Variants in COL6A6 observed in about 807,000 individuals in gnomAD.
COL6A6 encodes the protein collagen type VI alpha 6 chain.
Under a neutral mutation model 208.6 loss-of-function variants are expected in COL6A6, and 183 were observed. The ratio of observed to expected loss-of-function variants is 0.88; its 90% CI spans 0.78 to 0.99. The LOEUF is 0.99. Ranked by LOEUF, COL6A6 falls within the 50% of genes least tolerant of loss-of-function variation. The pLI, the probability that COL6A6 is intolerant of heterozygous loss-of-function variation, is 0.00. For synonymous variants in COL6A6, 973 were observed against 1,011.8 expected (o/e 0.96, Z 0.73); for missense variants, 2,816 against 2,815.2 (o/e 1.00, Z -0.01).
rs2062984801 is a variant in COL6A6, at chr3:130,565,140, CT to C, written c.810del (p.Val271TrpfsTer9). 3 of 1,613,886 alleles carry C rather than the reference CT, an allele frequency of 1.9e-6. No homozygotes were observed. In the African/African-American group the frequency reaches 4.0e-5, roughly 22 times the overall value. ...DIKENCMRVG[L>X]VAYSNETKVI... ...AAAGGAAAATTGCATGAGGGTTGGC[CT>C]TGTGGCCTATAGCAATGAGACAAAA... On this transcript the variant is annotated frameshift_variant, in exon 4 of 37. Coordinates refer to ENST00000358511, the MANE Select transcript of COL6A6 (RefSeq NM_001102608.3). LOFTEE classifies it high-confidence loss of function.
intron 1 of COL6A6, among the ~76,000 whole-genome samples, chr3:130,540,739 T>C (rs774671918): frequency 1.3e-5 from 2 of 152,202 alleles, no homozygotes; most frequent in Admixed American, 6.5e-5. Context: ...CTCCTACTTA[T>C]AAGTAAGAAC....
chr3:130,554,023 AG>A (rs1160191069), intron 1 of COL6A6, among the ~76,000 whole-genome samples: 3 of 152,198 alleles, frequency 2.0e-5, no homozygotes, highest in Non-Finnish European at 2.9e-5. Flanking sequence ...ATCTGTTATC[AG>A]GCCCCTGGCG....
In COL6A6 at chr3:130,563,467, G is replaced by A. The variant is rs113780724; in HGVS notation, c.464G>A (p.Arg155Gln). The A allele has an allele frequency of 5.1e-4, 826 of 1,614,014 alleles. 4 individuals carry two copies. In the African/African-American group the frequency reaches 7.4e-3, roughly 14 times the overall value. ...GTGGAAGAGGCATCAAAGGCCCTGC[G>A]GAAAGACGGAGTGAAAATCATCTCT... ...DNVEEASKAL[R>Q]KDGVKIISVG... is the part of the protein sequence containing the mutation. Residue 155 changes from arginine to glutamine, a missense_variant, in exon 3 of 37, where the codon CGG (arginine) becomes CAG (glutamine). Transcript: ENST00000358511.
chr3:130,591,031 TTA>T lies in COL6A6; in HGVS notation c.4219-8_4219-7del. The T allele has an allele frequency of 6.4e-7, 1 of 1,567,436 alleles. No homozygotes were observed. The highest frequency in any genetic ancestry group is 8.7e-7 in the Non-Finnish European group (1 of 1,153,616). On this transcript the variant is annotated splice_polypyrimidine_tract_variant and splice_region_variant and intron_variant, in intron 12 of 36. Transcript: ENST00000358511. The stretch of plus-strand genomic sequence containing the variant: ...AGATGCAAATGTTTTCTTCCTTTTC[TTA>T]TTTCCAGGGACCTCCAGGTTTTAAA...
At chr3:130,552,277 T>C (rs2062660574) in intron 1 of COL6A6, among the ~76,000 whole-genome samples, 1 of 152,210 alleles carries the variant, frequency 6.6e-6, no homozygotes, top group Admixed American at 6.5e-5. Flanking sequence ...TCTAAATCTC[T>C]TCATAGGTCT....
chr3:130,626,955 G>A (rs1261188519), intron 25 of COL6A6, among the ~76,000 whole-genome samples: 1 of 152,128 alleles, frequency 6.6e-6, no homozygotes, highest in African/African-American at 2.4e-5. Flanking sequence ...CTAGCAAACT[G>A]AAAATGGTAT....
chr3:130,588,536 A>C (rs763601110), intron 11 of COL6A6, among the ~76,000 whole-genome samples: 1 of 152,184 alleles, frequency 6.6e-6, no homozygotes, highest in Non-Finnish European at 1.5e-5. Context: ...AGTGCTTCCA[A>C]AATATTGCAC....
intron 33 of COL6A6, among the ~76,000 whole-genome samples, chr3:130,656,141 TCTCTC>T (rs1481835767): frequency 6.6e-6 from 1 of 152,172 alleles, no homozygotes; most frequent in Admixed American, 6.5e-5. Flanking sequence ...GCAGCTCTTC[TCTCTC>T]CTCTCCTCTC....
intron 7 of COL6A6, among the ~76,000 whole-genome samples, chr3:130,573,448 C>T (rs1391688234): frequency 6.6e-6 from 1 of 152,128 alleles, no homozygotes; most frequent in African/African-American, 2.4e-5. Flanking sequence ...TGATTCATTC[C>T]TTGTACTGAC....
intron 10 of COL6A6, among the ~76,000 whole-genome samples, chr3:130,585,688 C>T (rs1348225571): frequency 2.0e-5 from 3 of 152,224 alleles, no homozygotes; most frequent in Admixed American, 1.3e-4. Flanking sequence ...GATTGTGTGT[C>T]ATCTGTTCCT....
At chr3:130,602,756 T>A (rs1181945042) in intron 20 of COL6A6, among the ~76,000 whole-genome samples, 2 of 152,220 alleles carry the variant, frequency 1.3e-5, no homozygotes, top group African/African-American at 4.8e-5. Context: ...AAACACTATT[T>A]AGAATTTTAT....
chr3:130,585,060 GA>G (rs1307534428), intron 10 of COL6A6, among the ~76,000 whole-genome samples: 1 of 152,050 alleles, frequency 6.6e-6, no homozygotes, highest in African/African-American at 2.4e-5. Flanking sequence ...ATTTATTTAA[GA>G]AGGTGTTCTT....
At chr3:130,535,720 C>T (rs1352352525) in intron 1 of COL6A6, among the ~76,000 whole-genome samples, 1 of 152,196 alleles carries the variant, frequency 6.6e-6, no homozygotes, top group Non-Finnish European at 1.5e-5. Context: ...ATTAATTCCT[C>T]AGTTTGGGAC....
intron 1 of COL6A6, among the ~76,000 whole-genome samples, chr3:130,528,571 A>G (rs973415894): frequency 2.0e-5 from 3 of 152,196 alleles, no homozygotes; most frequent in Non-Finnish European, 2.9e-5. Flanking sequence ...ACATAAGTGA[A>G]TGGATATGGG....
At chr3:130,522,088 C>A (rs1202092128) in intron 1 of COL6A6, among the ~76,000 whole-genome samples, 3 of 152,146 alleles carry the variant, frequency 2.0e-5, no homozygotes, top group South Asian at 4.2e-4. Flanking sequence ...AGTTATACTG[C>A]AGTAAACTAA....
chr3:130,592,261 G>A (rs1207831802), intron 13 of COL6A6, among the ~76,000 whole-genome samples: 1 of 152,162 alleles, frequency 6.6e-6, no homozygotes, highest in East Asian at 1.9e-4. Flanking sequence ...AGGACAGTAT[G>A]ACTAGATATG....
rs1046967660 is a variant in COL6A6, at chr3:130,676,374, G to T, written c.*977G>T. On this transcript the variant is annotated 3_prime_UTR_variant, in exon 37 of 37. Coordinates refer to ENST00000358511, the MANE Select transcript of COL6A6 (RefSeq NM_001102608.3). The stretch of plus-strand genomic sequence containing the variant: ...TATGCAGTTGCAGAGATGCAAAAGA[G>T]ATCAGAGTAAGTTAAAGTAGGAAAG... 6.6e-6 allele frequency: 1 copy of T among 152,252 alleles called. No homozygotes were observed. Among genetic ancestry groups the T allele is most frequent in the African/African-American group, 2.4e-5 (1 of 41,474 alleles). 9.4% of individuals were successfully genotyped at this position (152,252 alleles called of 1,614,324 possible).
rs1392459845 is a variant in COL6A6, at chr3:130,599,745, T to A, written c.4600-12T>A. 6 of 1,613,504 alleles carry A rather than the reference T, an allele frequency of 3.7e-6. No individual in the cohort carries two copies. Among genetic ancestry groups the A allele is most frequent in the Non-Finnish European group, 5.1e-6 (6 of 1,179,642 alleles). ...ATAATTACCGTCACACATCTGTCTG[T>A]TCCTTTGACAGGGCAGAAGAGGCTG... On this transcript the variant is annotated splice_polypyrimidine_tract_variant and intron_variant, in intron 19 of 36. Transcript: ENST00000358511.
intron 36 of COL6A6, among the ~76,000 whole-genome samples, chr3:130,668,609 A>G (rs1024224999): frequency 6.6e-6 from 1 of 152,240 alleles, no homozygotes; most frequent in Admixed American, 6.5e-5. Context: ...TAGAATAGCT[A>G]TATTTATATC....
Sources: gnomAD v4.1 joint callset for allele counts (sites outside exome capture counted in the v4.1 genomes callset) on GRCh38, gnomAD v4.1.1 for gene constraint, MANE v1.5 for transcripts, NCBI Gene and HGNC (gene_info 2026-07-23, HGNC 2026-07-21) for gene names.